Variants in STAB2 observed in about 807,000 individuals in gnomAD.
STAB2 encodes the protein stabilin-2.
In STAB2, 288 loss-of-function variants were observed where a neutral mutation model predicts 338.1. The ratio of observed to expected loss-of-function variants is 0.85; its 90% CI spans 0.77 to 0.94. The LOEUF is 0.94. STAB2 is among the 40% of genes least tolerant of loss of function. STAB2 has a pLI of 0.00. For synonymous variants in STAB2, 1,202 were observed against 1,193.3 expected, an observed-to-expected ratio of 1.01 and a Z score of -0.15; for missense variants, 3,141 against 3,210.1, an observed-to-expected ratio of 0.98 and a Z score of 0.52.
rs780417561 is a variant in STAB2 at position 103,742,442 on chromosome 12, G to A, written c.5919G>A (p.Arg1973=). 123 of 1,614,002 alleles carry A rather than the reference G, an allele frequency of 7.6e-5. No homozygotes were observed. The highest frequency in any genetic ancestry group is 8.3e-5 in the Admixed American group (5 of 59,990). The change falls in exon 56 of 69, where the codon CGG becomes CGA. Residue 1973 remains arginine (R), a synonymous_variant. Coordinates refer to ENST00000388887, the MANE Select transcript of STAB2 (RefSeq NM_017564.10). ...PGGPDAPCNN[R]GVCLDQYSAT... ...GACCAGATGCCCCGTGTAATAACCG[G>A]GGTGTCTGCCTTGATCAGTACTCGG...
intron 9 of STAB2, 150 bp downstream of exon 9, chr12:103,640,406 G>T (rs989336434): frequency 2.1e-6 from 2 of 942,186 alleles, no homozygotes; most frequent in Non-Finnish European, 3.1e-6. Context: ...ATTGTAGTAG[G>T]TACTCAATAA....
Position 103,729,004 on chromosome 12 carries a change from C to T in STAB2, c.5082+9C>T, listed in dbSNP as rs1378851745. 1.2e-6 allele frequency: 2 copies of T among 1,613,486 alleles called. No homozygotes were observed. The highest frequency in any genetic ancestry group is 3.3e-5 in the Admixed American group (2 of 60,004). On this transcript the variant is annotated intron_variant, in intron 48 of 68. Transcript: ENST00000388887. ...TCATCTCCGTCTCTCAGGTAGATGCCAGTTATCCTTAGGTCCTCTCTCCCC... is the reference window on the plus strand; with the variant it reads ...TCATCTCCGTCTCTCAGGTAGATGCTAGTTATCCTTAGGTCCTCTCTCCCC...
At chr12:103,733,315 C>A (rs1881791212) in intron 51 of STAB2, 133 bp downstream of exon 51, 1 of 1,047,264 alleles carries the variant, frequency 9.5e-7, no homozygotes, top group Non-Finnish European at 1.4e-6. Context: ...CACAGCATCC[C>A]CTGCCCCACT....
chr12:103,695,964 G>A, intron 33 of STAB2, 120 bp downstream of exon 33: 2 of 924,542 alleles, frequency 2.2e-6, no homozygotes, highest in Non-Finnish European at 3.4e-6. Context: ...CCACATACTT[G>A]ACGTAGACTG....
intron 56 of STAB2, among the ~76,000 whole-genome samples, chr12:103,744,699 C>T (rs1438988979): frequency 1.3e-5 from 2 of 151,944 alleles, no homozygotes; most frequent in African/African-American, 2.4e-5. Flanking sequence ...TGGTCTTGAC[C>T]GGGCCTCAAG....
chr12:103,650,913 T>C (rs1480680830), intron 11 of STAB2, among the ~76,000 whole-genome samples: 3 of 152,206 alleles, frequency 2.0e-5, no homozygotes, highest in Non-Finnish European at 2.9e-5. Flanking sequence ...ATCCAGGTGA[T>C]AAAGAAGATT....
chr12:103,759,131 A>G lies in STAB2; in HGVS notation c.7108-2A>G. On this transcript the variant is annotated splice_acceptor_variant, in intron 64 of 68. Coordinates refer to ENST00000388887, the MANE Select transcript of STAB2 (RefSeq NM_017564.10). LOFTEE classifies it high-confidence loss of function. ...CATTCTGTGTTTCTCCTTTTTTCTC[A>G]GACCTTGTCTGGGCGGGACATCGAG... 1 of 1,614,050 alleles carries G rather than the reference A, an allele frequency of 6.2e-7. No individual in the cohort carries two copies. The highest frequency in any genetic ancestry group is 8.5e-7 in the Non-Finnish European group (1 of 1,180,002).
chr12:103,733,203 C>T, intron 51 of STAB2, 21 bp downstream of exon 51: 1 of 1,611,368 alleles, frequency 6.2e-7, no homozygotes, highest in South Asian at 1.1e-5. Flanking sequence ...TACATGCAGA[C>T]ATAAGTGCAA....
chr12:103,720,069 A>C (rs1880637940), intron 44 of STAB2, among the ~76,000 whole-genome samples: 1 of 152,242 alleles, frequency 6.6e-6, no homozygotes, highest in Non-Finnish European at 1.5e-5. Context: ...AAGCTCCTCA[A>C]GAGATCAATG....
intron 26 of STAB2, among the ~76,000 whole-genome samples, chr12:103,683,810 C>T (rs1049040040): frequency 6.6e-6 from 1 of 152,148 alleles, no homozygotes; most frequent in Non-Finnish European, 1.5e-5. Context: ...AAAGATCAGG[C>T]ACAGGTATTA....
At chr12:103,757,534 G>A (rs1333276272) in intron 63 of STAB2, among the ~76,000 whole-genome samples, 1 of 152,232 alleles carries the variant, frequency 6.6e-6, no homozygotes, top group Admixed American at 6.5e-5. Context: ...AGCAGGGCTT[G>A]GGGGGCACCC....
chr12:103,701,522 C>T (rs1450916065), intron 34 of STAB2, among the ~76,000 whole-genome samples: 2 of 152,170 alleles, frequency 1.3e-5, no homozygotes, highest in East Asian at 3.8e-4. Context: ...TAGACACAGT[C>T]AAGTCAAAAT....
intron 66 of STAB2, among the ~76,000 whole-genome samples, 197 bp from the exon 67 acceptor site, chr12:103,762,077 C>T (rs553184624): frequency 2.2e-4 from 33 of 152,322 alleles, no homozygotes; most frequent in African/African-American, 7.9e-4. Flanking sequence ...CTCCCTATCT[C>T]TTTGGGTTAT....
intron 60 of STAB2, among the ~76,000 whole-genome samples, chr12:103,752,063 T>G (rs1883710573): frequency 6.6e-6 from 1 of 152,172 alleles, no homozygotes; most frequent in African/African-American, 2.4e-5. Flanking sequence ...AGCCTTAAAA[T>G]AACTCATACT....
At chr12:103,679,779 A>T (rs1359813766) in intron 25 of STAB2, among the ~76,000 whole-genome samples, 1 of 152,228 alleles carries the variant, frequency 6.6e-6, no homozygotes, top group African/African-American at 2.4e-5. Context: ...ACTTCTGGGT[A>T]TACACCCAAA....
Position 103,677,468 on chromosome 12 carries a change from AC to A in STAB2, c.2663del (p.Thr888MetfsTer67). 6.2e-7 allele frequency: 1 copy of A among 1,612,408 alleles called. No homozygotes were observed. The highest frequency in any genetic ancestry group is 8.5e-7 in the Non-Finnish European group (1 of 1,178,558). On this transcript the variant is annotated frameshift_variant, in exon 25 of 69. Coordinates refer to ENST00000388887, the MANE Select transcript of STAB2 (RefSeq NM_017564.10). LOFTEE classifies it high-confidence loss of function. Reference sequence around the variant, plus strand: ...CCTCCTGCAGGCAGAATGCATCAAAACTGGCACGGGCACCCACACCTGCGTG... The same window carrying A: ...CCTCCTGCAGGCAGAATGCATCAAAATGGCACGGGCACCCACACCTGCGTG... Reference protein sequence around the residue: ...GCSRNAECIKTGTGTHTCVCQ... With the variant: ...GCSRNAECIKXGTGTHTCVCQ...
chr12:103,715,954 G>A lies in STAB2; in HGVS notation c.4611+66G>A. ...GGAACTCCTAGGTCTTTAGACACAG[G>A]CCTGAGAGAAAGAGGCTGAGAACGG... is the stretch of plus-strand genomic sequence containing the variant. On this transcript the variant is annotated intron_variant, in intron 43 of 68. Coordinates refer to ENST00000388887, the MANE Select transcript of STAB2 (RefSeq NM_017564.10). The A allele has an allele frequency of 3.9e-6, 6 of 1,544,876 alleles. No individual in the cohort carries two copies. The East Asian group carries it at 9.0e-5, about 23-fold the overall frequency.
At chr12:103,712,470 G>C in intron 41 of STAB2, 27 bp downstream of exon 41, 1 of 1,587,730 alleles carries the variant, frequency 6.3e-7, no homozygotes, top group Non-Finnish European at 8.6e-7. Flanking sequence ...ATTTGCTGGG[G>C]GGGCTGGCAA....
chr12:103,588,919 AACT>A (rs1956754881), intron 1 of STAB2, among the ~76,000 whole-genome samples: 1 of 152,226 alleles, frequency 6.6e-6, no homozygotes, highest in African/African-American at 2.4e-5. Context: ...ACCAAATGAA[AACT>A]CCTGGTAAAA....
Sources: gnomAD v4.1 joint callset for allele counts (sites outside exome capture counted in the v4.1 genomes callset) on GRCh38, gnomAD v4.1.1 for gene constraint, MANE v1.5 for transcripts, NCBI Gene and HGNC (gene_info 2026-07-23, HGNC 2026-07-21) for gene names.